CECR2: variants seen among roughly 807,000 people sequenced by gnomAD.
CECR2 encodes the protein chromatin remodeling regulator CECR2.
A neutral mutation model predicts 154.5 loss-of-function variants in CECR2; 30 were observed. That is an observed-to-expected ratio of 0.19 (90% confidence interval 0.15 to 0.26). CECR2 has a LOEUF of 0.26. Ranked by LOEUF, CECR2 falls within the 10% of genes least tolerant of loss-of-function variation. The pLI is 1.00. For synonymous variants in CECR2, 725 were observed against 683.7 expected (o/e 1.06, Z -0.94); for missense variants, 1,743 against 1,829.3 (o/e 0.95, Z 0.86).
intron 1 of CECR2, among the ~76,000 whole-genome samples, chr22:17,396,276 G>A (rs1472018221): frequency 6.6e-6 from 1 of 151,660 alleles, no homozygotes; most frequent in Non-Finnish European, 1.5e-5. Flanking sequence ...CAGGCGCTGT[G>A]GCTCACGCCT....
At chr22:17,462,708 G>A (rs903202917) in intron 1 of CECR2, among the ~76,000 whole-genome samples, 7 of 152,240 alleles carry the variant, frequency 4.6e-5, no homozygotes, top group Non-Finnish European at 1.0e-4. Flanking sequence ...GAGGTCAGGA[G>A]TTCAAGACCA....
chr22:17,432,652 A>G (rs758513142), intron 1 of CECR2, among the ~76,000 whole-genome samples: 36 of 152,226 alleles, frequency 2.4e-4, no homozygotes, highest in South Asian at 8.3e-4. Context: ...TTATTTTTTT[A>G]AGAGACAGAG....
rs35858380 is a variant in CECR2, at chr22:17,530,168, AT to A, written c.1108+5911del. ...GGTCACTCATCTTGGAGTTCCCTGAATTTTTTTTTTTTTTCAAAACTCCTGT... is the reference window on the plus strand; with the variant it reads ...GGTCACTCATCTTGGAGTTCCCTGAATTTTTTTTTTTTTCAAAACTCCTGT... On this transcript the variant is annotated intron_variant, in intron 9 of 18. Coordinates refer to ENST00000262608, the MANE Select transcript of CECR2 (RefSeq NM_001290047.2). Among the ~76,000 whole-genome samples, 121 of 142,398 alleles carry A rather than the reference AT, an allele frequency of 8.5e-4. 1 individual carries two copies. The highest frequency in any genetic ancestry group is 3.6e-3 in the Middle Eastern group (1 of 274). The allele number at this position is 142,398 out of a possible 152,430, so 93.4% of individuals were successfully genotyped here.
At chr22:17,469,609 TCCAGTAAGAATCCAG>T (rs2055090980) in intron 1 of CECR2, among the ~76,000 whole-genome samples, 10 of 141,806 alleles carry the variant, frequency 7.1e-5, no homozygotes, top group Non-Finnish European at 6.1e-5. Flanking sequence ...TTTTTTTTTT[TCCAGTAAGAATCCAG>T]TTCTCTTTTC....
intron 1 of CECR2, among the ~76,000 whole-genome samples, chr22:17,384,638 T>A (rs1386717358): frequency 6.6e-6 from 1 of 152,218 alleles, no homozygotes; most frequent in Non-Finnish European, 1.5e-5. Flanking sequence ...ACAGATGTGC[T>A]GTTATCCAGG....
chr22:17,511,941 G>C (rs1318695674), intron 8 of CECR2, 45 bp downstream of exon 8: 1 of 1,425,538 alleles, frequency 7.0e-7, no homozygotes, highest in Non-Finnish European at 9.7e-7. Context: ...CCTGATGAAA[G>C]AGACGGATCC....
intron 1 of CECR2, among the ~76,000 whole-genome samples, chr22:17,379,057 A>G (rs2063154470): frequency 1.3e-5 from 2 of 152,054 alleles, no homozygotes; most frequent in African/African-American, 4.8e-5. Context: ...CCCAGGTTCA[A>G]GCAATTCTCC....
At chr22:17,498,623 C>T (rs189019991) in intron 3 of CECR2, among the ~76,000 whole-genome samples, 4 of 152,214 alleles carry the variant, frequency 2.6e-5, no homozygotes, top group East Asian at 3.9e-4. Context: ...GGTCAGCCCC[C>T]GAGGTAAATT....
At chr22:17,444,895 A>G (rs1210191674) in intron 1 of CECR2, among the ~76,000 whole-genome samples, 1 of 152,248 alleles carries the variant, frequency 6.6e-6, no homozygotes, top group Non-Finnish European at 1.5e-5. Context: ...AAGGTGATAC[A>G]GATAATAATC....
intron 14 of CECR2, 40 bp downstream of exon 14, chr22:17,540,840 T>G (rs1426705598): frequency 1.3e-6 from 2 of 1,500,984 alleles, no homozygotes; most frequent in East Asian, 2.3e-5. Flanking sequence ...TTCTCCTAGT[T>G]TGTGAGTTCA....
intron 1 of CECR2, among the ~76,000 whole-genome samples, chr22:17,361,204 C>T (rs539083271): frequency 1.3e-4 from 20 of 151,856 alleles, no homozygotes; most frequent in South Asian, 6.3e-4. Flanking sequence ...AACAAAAGAA[C>T]AGGCCAGGTG....
At chr22:17,486,227 T>C (rs1172343873) in intron 2 of CECR2, among the ~76,000 whole-genome samples, 1 of 152,142 alleles carries the variant, frequency 6.6e-6, no homozygotes, top group Non-Finnish European at 1.5e-5. Flanking sequence ...TCAAGTACAG[T>C]TTATTTTTTT....
At chr22:17,490,310 A>G (rs577307810) in intron 2 of CECR2, among the ~76,000 whole-genome samples, 1 of 151,902 alleles carries the variant, frequency 6.6e-6, no homozygotes, top group African/African-American at 2.4e-5. Flanking sequence ...TAGTCCTGGG[A>G]AGTTGTTCCA....
intron 9 of CECR2, among the ~76,000 whole-genome samples, chr22:17,535,317 CA>C (rs556845647): frequency 6.2e-4 from 87 of 141,248 alleles, no homozygotes; most frequent in Middle Eastern, 3.6e-3. Context: ...GACTCCATCT[CA>C]AAAAAAAAAA....
intron 1 of CECR2, among the ~76,000 whole-genome samples, chr22:17,462,101 C>A (rs1171933634): frequency 2.7e-5 from 4 of 149,750 alleles, no homozygotes; most frequent in Non-Finnish European, 5.9e-5. Context: ...GTACCTGTTA[C>A]TTTTTTAAAG....
intron 1 of CECR2, among the ~76,000 whole-genome samples, chr22:17,375,651 T>C (rs2063110195): frequency 6.6e-6 from 1 of 152,028 alleles, no homozygotes; most frequent in Admixed American, 6.6e-5. Flanking sequence ...GGTGAGTGAT[T>C]TAAAGTGATT....
chr22:17,546,975 G>C (rs1323267343), intron 16 of CECR2, among the ~76,000 whole-genome samples: 3 of 143,686 alleles, frequency 2.1e-5, no homozygotes, highest in Non-Finnish European at 4.5e-5. Flanking sequence ...GGAGGCGGAG[G>C]TTGCAGTGAG....
At chr22:17,497,250 A>G (rs537922301) in intron 2 of CECR2, among the ~76,000 whole-genome samples, 153 bp from the exon 3 acceptor site, 250 of 152,254 alleles carry the variant, frequency 1.6e-3, no homozygotes, top group African/African-American at 5.7e-3. Flanking sequence ...AGATCTTGCC[A>G]CTGTGCTCTA....
chr22:17,401,287 T>A (rs977338858), intron 1 of CECR2, among the ~76,000 whole-genome samples: 2 of 152,146 alleles, frequency 1.3e-5, no homozygotes, highest in Non-Finnish European at 2.9e-5. Context: ...CAACTTATTT[T>A]AAAAAACAGC....
Sources: gnomAD v4.1 joint callset for allele counts (sites outside exome capture counted in the v4.1 genomes callset) on GRCh38, gnomAD v4.1.1 for gene constraint, MANE v1.5 for transcripts, NCBI Gene and HGNC (gene_info 2026-07-23, HGNC 2026-07-21) for gene names.